ARHGAP21: variants seen among roughly 807,000 people sequenced by gnomAD.
ARHGAP21 encodes the protein Rho GTPase activating protein 21, also known as rho GTPase-activating protein 21.
ARHGAP21 carries 38 observed loss-of-function variants against 164.6 expected under a neutral mutation model. The ratio of observed to expected loss-of-function variants is 0.23; its 90% CI spans 0.18 to 0.30. ARHGAP21 has a LOEUF of 0.30. ARHGAP21 is among the 10% of genes least tolerant of loss of function. The pLI is 1.00. For synonymous variants in ARHGAP21, 766 were observed against 857.9 expected (o/e 0.89, Z 1.87); for missense variants, 1,822 against 2,370.7 (o/e 0.77, Z 4.81).
chr10:24,585,009 T>C lies in ARHGAP21; in HGVS notation c.5280A>G (p.Thr1760=), dbSNP rs571130567. The C allele has an allele frequency of 5.0e-6, 8 of 1,613,960 alleles. No homozygotes were observed. The highest frequency in any genetic ancestry group is 2.2e-5 in the East Asian group (1 of 44,868). The change falls in exon 26 of 26, where the codon ACA becomes ACG. Residue 1760 remains threonine, a synonymous_variant. Transcript: ENST00000396432. ...ACCGATCTGCTATTTTCGTTTTCCA[T>C]GTGGGTTCCTGTTTTTCGGATTCGC... ...TRGESEKQEP[T]WKTKIADRLK... is the part of the protein sequence containing the mutation.
chr10:24,617,305 T>C (rs1393689778), intron 9 of ARHGAP21, among the ~76,000 whole-genome samples: 1 of 152,212 alleles, frequency 6.6e-6, no homozygotes, highest in African/African-American at 2.4e-5. Context: ...ACTACTCCAA[T>C]GTAATCTGAT....
At chr10:24,687,955 A>C (rs946573471) in intron 2 of ARHGAP21, among the ~76,000 whole-genome samples, 1 of 152,260 alleles carries the variant, frequency 6.6e-6, no homozygotes, top group African/African-American at 2.4e-5. Flanking sequence ...ATAAGTTTTT[A>C]TAATGTAAGT....
chr10:24,649,485 T>C (rs1370862395), intron 4 of ARHGAP21, among the ~76,000 whole-genome samples: 1 of 152,000 alleles, frequency 6.6e-6, no homozygotes, highest in Non-Finnish European at 1.5e-5. Flanking sequence ...ACTTTGGAGC[T>C]GAACAAAGTA....
chr10:24,630,003 A>G lies in ARHGAP21; in HGVS notation c.488T>C (p.Leu163Pro). 1 of 1,568,076 alleles carries G rather than the reference A, an allele frequency of 6.4e-7. No individual in the cohort carries two copies. Among genetic ancestry groups the G allele is most frequent in the Non-Finnish European group, 8.7e-7 (1 of 1,151,580 alleles). The change falls in exon 7 of 26, where the codon CTC becomes CCC. Residue 163 changes from leucine to proline, a missense_variant. Transcript: ENST00000396432. ...LSVMPKDEDILQVLQFTKDVT... is the reference protein window; with the variant it reads ...LSVMPKDEDIPQVLQFTKDVT... ...TGAATAAATAAAACTTACCACTTGG[A>G]GAATGTCTTCATCTTTTGGCATAAC...
Position 24,621,362 on chromosome 10 carries a change from G to T in ARHGAP21, c.533C>A (p.Ser178Tyr), listed in dbSNP as rs1239468234. 1.3e-6 allele frequency: 2 copies of T among 1,597,668 alleles called. No homozygotes were observed. The highest frequency in any genetic ancestry group is 1.1e-5 in the South Asian group (1 of 88,778). Reference protein sequence around the residue: ...FTKDVTALAYSQDAYLKGNEA... With the variant: ...FTKDVTALAYYQDAYLKGNEA... ...GTTGCCTTTCAGGTAGGCATCTTGA[G>T]AATATGCCTGTATAGAAATGAGAGG... Residue 178 changes from serine (S) to tyrosine (Y), a missense_variant, in exon 9 of 26, where the codon TCT becomes TAT. Ser to Tyr is a moderately radical substitution (Grantham distance 144). Around this residue, in one of 5 missense-constraint regions of ARHGAP21, gnomAD observed 1,090 missense variants for 1,378.9 expected, o/e 0.79. Coordinates refer to ENST00000396432, the MANE Select transcript of ARHGAP21 (RefSeq NM_020824.4).
In ARHGAP21 at chr10:24,585,363, G is replaced by A. The variant is rs375019689; in HGVS notation, c.4926C>T (p.Pro1642=). The stretch of plus-strand genomic sequence containing the variant: ...CTGAAGTCAAGGCTGTGGGGAACAC[G>A]GGAAACTCGCTCTCGCTGTCGGTTT... ...PVETDSESEF[P]VFPTALTSER... is the part of the protein sequence containing the mutation. The change falls in exon 26 of 26, where the codon CCC becomes CCT. Residue 1642 remains proline (P), a synonymous_variant. Coordinates refer to ENST00000396432, the MANE Select transcript of ARHGAP21 (RefSeq NM_020824.4). 4.2e-5 allele frequency: 67 copies of A among 1,613,680 alleles called. No individual in the cohort carries two copies. The highest frequency in any genetic ancestry group is 1.3e-4 in the East Asian group (6 of 44,870).
At chr10:24,612,642 C>G (rs1233988619) in intron 9 of ARHGAP21, among the ~76,000 whole-genome samples, 1 of 152,082 alleles carries the variant, frequency 6.6e-6, no homozygotes, top group African/African-American at 2.4e-5. Context: ...ATCACGAGGT[C>G]AGGAGATCAA....
At chr10:24,629,961 G>A (rs752145234) in intron 7 of ARHGAP21, 35 bp downstream of exon 7, 1 of 1,425,010 alleles carries the variant, frequency 7.0e-7, no homozygotes, top group South Asian at 1.2e-5. Flanking sequence ...ATTCATGACT[G>A]TAAAACAACT....
chr10:24,654,337 G>C (rs1838558309), intron 4 of ARHGAP21, among the ~76,000 whole-genome samples: 1 of 151,922 alleles, frequency 6.6e-6, no homozygotes, highest in Non-Finnish European at 1.5e-5. Flanking sequence ...AGGTCAAATT[G>C]TCCCTGTTTG....
intron 2 of ARHGAP21, among the ~76,000 whole-genome samples, chr10:24,714,090 G>A (rs957709008): frequency 5.9e-5 from 9 of 152,110 alleles, no homozygotes; most frequent in East Asian, 1.9e-4. Flanking sequence ...ATAACCTTTC[G>A]TTTTAGTAAT....
intron 6 of ARHGAP21, among the ~76,000 whole-genome samples, chr10:24,630,527 T>A (rs192748248): frequency 6.6e-6 from 1 of 152,302 alleles, no homozygotes; most frequent in Non-Finnish European, 1.5e-5. Flanking sequence ...AGTCTCACAC[T>A]GTCACCCCGG....
At chr10:24,586,161 T>G in intron 25 of ARHGAP21, 55 bp from the exon 26 acceptor site, 1 of 1,493,406 alleles carries the variant, frequency 6.7e-7, no homozygotes, top group Non-Finnish European at 8.9e-7. Flanking sequence ...CTGAGTTCAT[T>G]TTCTGACAAG....
At chr10:24,692,853 T>TA (rs78606293) in intron 2 of ARHGAP21, among the ~76,000 whole-genome samples, 110 of 140,930 alleles carry the variant, frequency 7.8e-4, no homozygotes, top group African/African-American at 2.1e-3. Flanking sequence ...ATAAAAAAAT[T>TA]AAAAAAAAAA....
chr10:24,675,552 ATG>A, intron 2 of ARHGAP21, among the ~76,000 whole-genome samples: 1 of 152,328 alleles, frequency 6.6e-6, no homozygotes, highest in Non-Finnish European at 1.5e-5. Flanking sequence ...CAGTTTACAC[ATG>A]TACAGTTGAT....
Position 24,621,040 on chromosome 10 carries a change from T to A in ARHGAP21, c.855A>T (p.Leu285Phe). ...GACCTGTATGGTTGTTTCTATTGGA[T>A]AACAAATCTACAACCTTCTCAGAAG... is the stretch of plus-strand genomic sequence containing the variant. ...IVPSEKVVDL[L>F]SNRNNHTGPS... The change falls in exon 9 of 26, where the codon TTA (leucine) becomes TTT (phenylalanine). Residue 285 changes from leucine to phenylalanine, a missense_variant. Transcript: ENST00000396432. 1.9e-6 allele frequency: 3 copies of A among 1,614,018 alleles called. No homozygotes were observed. Among genetic ancestry groups the A allele is most frequent in the Non-Finnish European group, 2.5e-6 (3 of 1,179,870 alleles).
At chr10:24,662,620 T>C (rs1325685027) in intron 4 of ARHGAP21, among the ~76,000 whole-genome samples, 1 of 152,218 alleles carries the variant, frequency 6.6e-6, no homozygotes. Context: ...TACAATTGTA[T>C]TATAAATCAC....
intron 7 of ARHGAP21, chr10:24,629,476 T>C (rs1433524511): frequency 2.6e-5 from 4 of 152,976 alleles, no homozygotes; most frequent in African/African-American, 9.6e-5. Flanking sequence ...ACTCCGTTCA[T>C]TGTGAACATT....
In ARHGAP21 at chr10:24,585,473, G is replaced by A; in HGVS notation, c.4816C>T (p.Pro1606Ser). Residue 1606 changes from proline (P) to serine (S), a missense_variant, in exon 26 of 26, where the codon CCT becomes TCT. By Grantham distance (74) the Pro-to-Ser change is moderately conservative. Coordinates refer to ENST00000396432, the MANE Select transcript of ARHGAP21 (RefSeq NM_020824.4). ...CTCTCTGCCACGGATTGCACCTCAG[G>A]GCTCAGTCGACTGGAGTCCAGGCTA... ...LTSLDSSRLS[P>S]EVQSVAESKG... 1 of 1,614,050 alleles carries A rather than the reference G, an allele frequency of 6.2e-7. No individual in the cohort carries two copies. Among genetic ancestry groups the A allele is most frequent in the South Asian group, 1.1e-5 (1 of 91,076 alleles).
At chr10:24,654,886 T>C (rs1423169083) in intron 4 of ARHGAP21, among the ~76,000 whole-genome samples, 2 of 152,196 alleles carry the variant, frequency 1.3e-5, no homozygotes, top group Admixed American at 1.3e-4. Context: ...AAGGCTACAG[T>C]AACCAAAACA....
Sources: gnomAD v4.1 joint callset for allele counts (sites outside exome capture counted in the v4.1 genomes callset) on GRCh38, gnomAD v4.1.1 for gene constraint, gnomAD v4.1.1 regional missense constraint, MANE v1.5 for transcripts, NCBI Gene and HGNC (gene_info 2026-07-23, HGNC 2026-07-21) for gene names.